Variants in LRMDA observed in about 807,000 individuals in gnomAD.
LRMDA encodes the protein leucine rich melanocyte differentiation associated.
LRMDA carries 18 observed loss-of-function variants against 29.8 expected under a neutral mutation model. That is an observed-to-expected ratio of 0.60 (90% CI 0.42 to 0.90). The LOEUF is 0.90. Ranked by LOEUF, LRMDA falls within the 40% of genes least tolerant of loss-of-function variation. The pLI, the probability that LRMDA is intolerant of heterozygous loss-of-function variation, is 0.00. For missense variants in LRMDA, 273 were observed against 273.9 expected, an observed-to-expected ratio of 1.00 and a Z score of 0.02; for synonymous variants, 125 against 109.4, an observed-to-expected ratio of 1.14 and a Z score of -0.89.
At chr10:75,801,122 A>G (rs573341519) in intron 2 of LRMDA, among the ~76,000 whole-genome samples, 1 of 152,346 alleles carries the variant, frequency 6.6e-6, no homozygotes, top group African/African-American at 2.4e-5. Context: ...TTAATGATGG[A>G]CAGCTTATGA....
chr10:76,189,082 G>A (rs987636605), intron 5 of LRMDA, among the ~76,000 whole-genome samples: 1 of 152,136 alleles, frequency 6.6e-6, no homozygotes, highest in Admixed American at 6.5e-5. Flanking sequence ...ATTAGGCCAG[G>A]CGTGGTGACT....
chr10:75,804,301 C>G (rs1843809353), intron 2 of LRMDA, among the ~76,000 whole-genome samples: 1 of 152,204 alleles, frequency 6.6e-6, no homozygotes, highest in African/African-American at 2.4e-5. Flanking sequence ...AAATGATACA[C>G]CTTGTGGACT....
chr10:75,568,929 A>C (rs1840404126), intron 2 of LRMDA, among the ~76,000 whole-genome samples: 1 of 152,158 alleles, frequency 6.6e-6, no homozygotes, highest in South Asian at 2.1e-4. Context: ...TCCACCACTG[A>C]CACCACCTCT....
chr10:76,454,431 T>C (rs1842436820), intron 6 of LRMDA, among the ~76,000 whole-genome samples: 1 of 152,116 alleles, frequency 6.6e-6, no homozygotes, highest in Non-Finnish European at 1.5e-5. Context: ...GAGGCTGCAT[T>C]ATTCTTTGTA....
At chr10:76,212,055 C>G (rs746902343) in intron 5 of LRMDA, among the ~76,000 whole-genome samples, 1 of 152,264 alleles carries the variant, frequency 6.6e-6, no homozygotes, top group Middle Eastern at 3.4e-3. Context: ...GGTTCAGCAA[C>G]AAGACTCTCA....
chr10:76,426,779 A>G lies in LRMDA; in HGVS notation c.601+102294A>G, dbSNP rs556001415. Among the ~76,000 whole-genome samples, 423 of 152,344 alleles carry G rather than the reference A, an allele frequency of 2.8e-3. 1 individual carries two copies. Among genetic ancestry groups the G allele is most frequent in the African/African-American group, 9.5e-3 (396 of 41,580 alleles). The stretch of plus-strand genomic sequence containing the variant: ...TAATCCATCTTGAATTAATTTTTGC[A>G]TAAGGTGTAAGGAAGGGATCTAGTT... On this transcript the variant is annotated intron_variant, in intron 6 of 6. Coordinates refer to ENST00000611255, the MANE Select transcript of LRMDA (RefSeq NM_001305581.2).
intron 2 of LRMDA, among the ~76,000 whole-genome samples, chr10:75,715,992 G>T (rs1842495532): frequency 6.6e-6 from 1 of 152,126 alleles, no homozygotes; most frequent in Non-Finnish European, 1.5e-5. Flanking sequence ...TTAGAATCAC[G>T]AATGTTAGAA....
rs188757717 is a variant in LRMDA at position 75,949,795 on chromosome 10, A to C, written c.132-86213A>C. On this transcript the variant is annotated intron_variant, in intron 2 of 6. Transcript: ENST00000611255. ...GCCAGAGATGCAACCTTCTATCTGC[A>C]GGTACTGTGTACCAAGAGCACCAGT... Among the ~76,000 whole-genome samples, 117 of 152,296 alleles carry C rather than the reference A, an allele frequency of 7.7e-4. No individual in the cohort carries two copies. In the Middle Eastern group the frequency reaches 0.014, roughly 18 times the overall value.
chr10:76,178,208 G>C (rs1444897930), intron 5 of LRMDA, among the ~76,000 whole-genome samples: 2 of 152,184 alleles, frequency 1.3e-5, no homozygotes, highest in South Asian at 2.1e-4. Flanking sequence ...AATGTAAGCA[G>C]GCATTGCTAA....
intron 2 of LRMDA, among the ~76,000 whole-genome samples, chr10:75,952,081 G>A (rs982594844): frequency 2.6e-5 from 4 of 152,192 alleles, no homozygotes; most frequent in African/African-American, 7.2e-5. Flanking sequence ...CCCGGGGGAA[G>A]TGCCATTTTC....
At chr10:75,441,797 G>A (rs1365821437) in intron 2 of LRMDA, among the ~76,000 whole-genome samples, 3 of 151,546 alleles carry the variant, frequency 2.0e-5, no homozygotes, top group African/African-American at 7.3e-5. Flanking sequence ...AGTTATATCA[G>A]GATATTGCCT....
chr10:75,882,497 G>A (rs1188382689), intron 2 of LRMDA, among the ~76,000 whole-genome samples: 5 of 152,182 alleles, frequency 3.3e-5, no homozygotes, highest in Non-Finnish European at 5.9e-5. Flanking sequence ...TCAAGATGGA[G>A]TGTCTTAAGA....
intron 5 of LRMDA, among the ~76,000 whole-genome samples, chr10:76,294,412 C>T (rs1438761705): frequency 1.3e-5 from 2 of 152,156 alleles, no homozygotes; most frequent in Non-Finnish European, 2.9e-5. Flanking sequence ...CTCTTGGTGT[C>T]TATCTTCATA....
intron 2 of LRMDA, among the ~76,000 whole-genome samples, chr10:75,571,249 A>G (rs1408998691): frequency 2.6e-5 from 4 of 152,328 alleles, no homozygotes; most frequent in South Asian, 2.1e-4. Flanking sequence ...AGCACATGCT[A>G]TGGGCTTTGG....
intron 2 of LRMDA, among the ~76,000 whole-genome samples, chr10:75,818,815 A>G (rs371765047): frequency 1.3e-5 from 2 of 152,316 alleles, no homozygotes; most frequent in East Asian, 3.9e-4. Flanking sequence ...TAGTGATGTC[A>G]TGGCAACTGT....
rs962709229 is a variant in LRMDA, at chr10:76,284,329, C to G, written c.517-40072C>G. The stretch of plus-strand genomic sequence containing the variant: ...CAGGGGAGAAGGAGATGTGATGAAG[C>G]AAGCAGAGATTGGAGCAATGTGCTT... On this transcript the variant is annotated intron_variant, in intron 5 of 6. Transcript: ENST00000611255. 3.3e-5 allele frequency among the ~76,000 whole-genome samples: 5 copies of G among 152,176 alleles called. 1 individual carries two copies. The highest frequency in any genetic ancestry group is 6.5e-5 in the Admixed American group (1 of 15,274).
chr10:75,903,038 G>A (rs113194680), intron 2 of LRMDA, among the ~76,000 whole-genome samples: 6 of 152,174 alleles, frequency 3.9e-5, no homozygotes, highest in Non-Finnish European at 7.3e-5. Flanking sequence ...AGGAGGGGCC[G>A]TTCTGACTGA....
intron 6 of LRMDA, among the ~76,000 whole-genome samples, chr10:76,518,238 A>G (rs1198386355): frequency 6.6e-6 from 1 of 151,868 alleles, no homozygotes; most frequent in East Asian, 1.9e-4. Context: ...ATATCTGTCT[A>G]TCTACCTACC....
chr10:75,770,546 C>T (rs1290175879), intron 2 of LRMDA, among the ~76,000 whole-genome samples: 1 of 152,214 alleles, frequency 6.6e-6, no homozygotes, highest in Non-Finnish European at 1.5e-5. Flanking sequence ...TTCCCAGAGG[C>T]CACCATCACT....
Sources: gnomAD v4.1 joint callset for allele counts (sites outside exome capture counted in the v4.1 genomes callset) on GRCh38, gnomAD v4.1.1 for gene constraint, MANE v1.5 for transcripts, NCBI Gene and HGNC (gene_info 2026-07-23, HGNC 2026-07-21) for gene names.